Variants in MTMR12 observed in about 807,000 individuals in gnomAD.
The protein encoded by MTMR12 is myotubularin related protein 12.
A neutral mutation model predicts 96.7 loss-of-function variants in MTMR12; 33 were observed. The ratio of observed to expected loss-of-function variants is 0.34; its 90% CI spans 0.26 to 0.46. The LOEUF (loss-of-function observed/expected upper bound fraction) is 0.46. MTMR12 is among the 20% of genes least tolerant of loss of function. The pLI is 1.00. For synonymous variants in MTMR12, 298 were observed against 327.2 expected (o/e 0.91, Z 0.96); for missense variants, 721 against 896.1 (o/e 0.80, Z 2.49).
rs1749438444 is a variant in MTMR12, at chr5:32,263,162, TG to T, written c.663del (p.Asn221LysfsTer2). The T allele has an allele frequency of 6.2e-7, 1 of 1,614,118 alleles. No individual in the cohort carries two copies. Among genetic ancestry groups the T allele is most frequent in the Admixed American group, 1.7e-5 (1 of 60,014 alleles). On this transcript the variant is annotated frameshift_variant, in exon 7 of 16. Transcript: ENST00000382142. LOFTEE classifies it high-confidence loss of function. Reference sequence around the variant, plus strand: ...TTGACACTCACTGCTTTGTACTTCATGTTGCCTTTGGTCCGTTCCAGTTCCC... The same window carrying T: ...TTGACACTCACTGCTTTGTACTTCATTTGCCTTTGGTCCGTTCCAGTTCCC... ...WCWELERTKG[N>X]MKYKAVSVNE...
chr5:32,284,317 C>CAAAAA (rs57597487), intron 1 of MTMR12, among the ~76,000 whole-genome samples: 42 of 46,564 alleles, frequency 9.0e-4, no homozygotes, highest in Non-Finnish European at 1.6e-3. Flanking sequence ...GACCCTGTCT[C>CAAAAA]AAAAAAAAAA....
chr5:32,270,672 T>G, intron 5 of MTMR12, 145 bp downstream of exon 5: 1 of 863,524 alleles, frequency 1.2e-6, no homozygotes, highest in East Asian at 2.6e-5. Context: ...TTTCACGTTC[T>G]AATCAAAGAA....
In MTMR12 at chr5:32,270,944, A is replaced by G; in HGVS notation, c.362T>C (p.Phe121Ser). Reference protein sequence around the residue: ...LHCVDQIYGVFDEKKKTLFGQ... With the variant: ...LHCVDQIYGVSDEKKKTLFGQ... Reference sequence around the variant, plus strand: ...AAAGAGAGTTTTCTTTTTCTCATCAAACACTACAGATCAGCAATGAAATCA... The same window carrying G: ...AAAGAGAGTTTTCTTTTTCTCATCAGACACTACAGATCAGCAATGAAATCA... Residue 121 changes from phenylalanine to serine, a missense_variant, in exon 5 of 16, where the codon TTT (phenylalanine) becomes TCT (serine). By Grantham distance (155) the Phe-to-Ser change is radical. Transcript: ENST00000382142. 6.2e-7 allele frequency: 1 copy of G among 1,612,552 alleles called. No individual in the cohort carries two copies. Among genetic ancestry groups the G allele is most frequent in the Non-Finnish European group, 8.5e-7 (1 of 1,179,536 alleles).
chr5:32,256,219 A>G (rs142758143), intron 7 of MTMR12, among the ~76,000 whole-genome samples: 120 of 152,358 alleles, frequency 7.9e-4, no homozygotes, highest in African/African-American at 2.6e-3. Flanking sequence ...CTCTGACAAG[A>G]ACATTTAAGT....
intron 1 of MTMR12, among the ~76,000 whole-genome samples, chr5:32,279,113 A>T (rs1750181545): frequency 7.6e-6 from 1 of 131,374 alleles, no homozygotes; most frequent in Non-Finnish European, 1.6e-5. Flanking sequence ...AAAAAAAAAA[A>T]AAGTAAGTTA....
Position 32,276,791 on chromosome 5 carries a change from T to C in MTMR12, c.82-49A>G, listed in dbSNP as rs929762108. 1.2e-5 allele frequency: 17 copies of C among 1,465,904 alleles called. No individual in the cohort carries two copies. In the African/African-American group the frequency reaches 1.8e-4, roughly 16 times the overall value. 90.8% of individuals were successfully genotyped at this position (1,465,904 alleles called of 1,614,324 possible). A position where few individuals can be genotyped will look rare whatever the true frequency, so the allele number is the denominator to read the frequency against. On this transcript the variant is annotated intron_variant, in intron 1 of 15. Transcript: ENST00000382142. ...TTTTTCTTTGTTTAAGGGTTTAAAA[T>C]GAATAACATTAAGCCATGCTTTCAG...
At chr5:32,243,393 C>A in intron 11 of MTMR12, 128 bp downstream of exon 11, 1 of 656,072 alleles carries the variant, frequency 1.5e-6, no homozygotes, top group Non-Finnish European at 2.6e-6. Context: ...TAAAATCTAG[C>A]TGTAGAACAT....
In MTMR12 at chr5:32,231,137, C is replaced by CCTAG. The variant is rs530214347; in HGVS notation, c.1675-794_1675-791dup. Among the ~76,000 whole-genome samples the CCTAG allele has an allele frequency of 7.9e-4, 120 of 152,208 alleles. 1 individual carries two copies. Among genetic ancestry groups the CCTAG allele is most frequent in the African/African-American group, 2.2e-3 (90 of 41,518 alleles). On this transcript the variant is annotated intron_variant, in intron 15 of 15. Transcript: ENST00000382142. Reference sequence around the variant, plus strand: ...GGGCGCAGTAGCTCATGCCTGTAATCCTAGCACTTTGGGAGACCGAGGCGG... The same window carrying CCTAG: ...GGGCGCAGTAGCTCATGCCTGTAATCCTAGCTAGCACTTTGGGAGACCGAGGCGG...
At chr5:32,235,386 AC>A (rs1220700954) in intron 13 of MTMR12, among the ~76,000 whole-genome samples, 1 of 152,276 alleles carries the variant, frequency 6.6e-6, no homozygotes, top group East Asian at 1.9e-4. Flanking sequence ...GATCAGTGTT[AC>A]AGATGAGCAT....
At chr5:32,311,882 C>A (rs764923978) in intron 1 of MTMR12, among the ~76,000 whole-genome samples, 7 of 152,152 alleles carry the variant, frequency 4.6e-5, no homozygotes, top group Non-Finnish European at 4.4e-5. Flanking sequence ...GCCACCTTTG[C>A]GAGGAGGAAA....
rs1751618562 is a variant in MTMR12 at position 32,312,085 on chromosome 5, T to C, written c.81+673A>G. ...CACACAGTAGGAGCTCGAGAAGTAT[T>C]TTCTGAATGAATGAACAAATTTCTT... On this transcript the variant is annotated intron_variant, in intron 1 of 15. Transcript: ENST00000382142. The surrounding 1 kb of genome is among the most constrained non-coding windows in gnomAD (Gnocchi z 5.0). 6.6e-6 allele frequency among the ~76,000 whole-genome samples: 1 copy of C among 152,200 alleles called. No homozygotes were observed. Among genetic ancestry groups the C allele is most frequent in the Non-Finnish European group, 1.5e-5 (1 of 68,036 alleles).
chr5:32,282,788 G>A (rs753574155), intron 1 of MTMR12, among the ~76,000 whole-genome samples: 1 of 152,182 alleles, frequency 6.6e-6, no homozygotes, highest in Non-Finnish European at 1.5e-5. Context: ...TAGGAAGGAC[G>A]GAACGGAGAG....
At chr5:32,302,419 T>C (rs1751188586) in intron 1 of MTMR12, among the ~76,000 whole-genome samples, 2 of 152,058 alleles carry the variant, frequency 1.3e-5, no homozygotes, top group Non-Finnish European at 2.9e-5. Flanking sequence ...GAGAGACCAT[T>C]AGAAATTAGG....
chr5:32,234,983 A>C lies in MTMR12; in HGVS notation c.1491T>G (p.Pro497=). The C allele has an allele frequency of 6.2e-7, 1 of 1,613,308 alleles. No individual in the cohort carries two copies. The highest frequency in any genetic ancestry group is 8.5e-7 in the Non-Finnish European group (1 of 1,179,428). ...PIFSTFFFNS[P]HQKDTNMGRE... is the part of the protein sequence containing the mutation. The stretch of plus-strand genomic sequence containing the variant: ...TTACCATGTTAGTATCTTTTTGATG[A>C]GGTGAATTGAAGAAGAAGGTGCTAA... Residue 497 remains proline (P), a synonymous_variant, in exon 14 of 16, where the codon CCT becomes CCG. Coordinates refer to ENST00000382142, the MANE Select transcript of MTMR12 (RefSeq NM_001040446.3).
chr5:32,268,837 G>C (rs934866055), intron 5 of MTMR12, 43 bp from the exon 6 acceptor site: 25 of 1,494,014 alleles, frequency 1.7e-5, no homozygotes, highest in Non-Finnish European at 2.3e-5. Context: ...GGTTTTGACA[G>C]ATAAACACTA....
intron 15 of MTMR12, among the ~76,000 whole-genome samples, chr5:32,232,402 C>A (rs1180580174): frequency 6.6e-6 from 1 of 152,236 alleles, no homozygotes; most frequent in African/African-American, 2.4e-5. Flanking sequence ...TTCCCACCTG[C>A]CAACTCCTGG....
Position 32,312,667 on chromosome 5 carries a change from C to G in MTMR12, c.81+91G>C. The G allele has an allele frequency of 1.7e-6, 2 of 1,190,746 alleles. No homozygotes were observed. Among genetic ancestry groups the G allele is most frequent in the Non-Finnish European group, 2.1e-6 (2 of 933,344 alleles). 73.8% of individuals were successfully genotyped at this position (1,190,746 alleles called of 1,614,324 possible). ...CCCGGCACAAGGGCAGGAAGCGCTCCGCGGCGCTCCCCGCTGCAAGGAAGG... is the reference window on the plus strand; with the variant it reads ...CCCGGCACAAGGGCAGGAAGCGCTCGGCGGCGCTCCCCGCTGCAAGGAAGG... On this transcript the variant is annotated intron_variant, in intron 1 of 15. Transcript: ENST00000382142. This position sits in a 1 kb window ranked among gnomAD's most constrained non-coding sequence, Gnocchi z 5.0.
At position 32,235,012 on chromosome 5, in the gene MTMR12, T is replaced by C. The variant is rs1240307960; in HGVS notation, c.1462A>G (p.Ile488Val). Reference sequence around the variant, plus strand: ...GAATTGAAGAAGAAGGTGCTAAAAATAGGTATATACAGGCTATCTGACAAA... The same window carrying C: ...GAATTGAAGAAGAAGGTGCTAAAAACAGGTATATACAGGCTATCTGACAAA... ...TVLSDSLYIPIFSTFFFNSPH... is the reference protein window; with the variant it reads ...TVLSDSLYIPVFSTFFFNSPH... Residue 488 changes from isoleucine (I) to valine (V), a missense_variant, in exon 14 of 16, where the codon ATT becomes GTT. Ile to Val is a conservative substitution (Grantham distance 29). Coordinates refer to ENST00000382142, the MANE Select transcript of MTMR12 (RefSeq NM_001040446.3). 3.0e-5 allele frequency: 48 copies of C among 1,613,696 alleles called. No individual in the cohort carries two copies. The highest frequency in any genetic ancestry group is 4.0e-5 in the Non-Finnish European group (47 of 1,179,758).
chr5:32,262,940 A>G (rs62361355), intron 7 of MTMR12, among the ~76,000 whole-genome samples, 173 bp downstream of exon 7: 12,722 of 152,316 alleles, frequency 0.084, 691 homozygotes, highest in Middle Eastern at 0.14. Flanking sequence ...AAAGAGAGGT[A>G]TTCGGGGAAA....
Sources: allele counts gnomAD v4.1 joint callset (sites outside exome capture counted in the v4.1 genomes callset), GRCh38; gene constraint gnomAD v4.1.1; non-coding constraint Gnocchi (gnomAD v3.1); transcripts MANE v1.5; gene names NCBI Gene and HGNC (gene_info 2026-07-23, HGNC 2026-07-21).